STRN: variants seen among roughly 807,000 people sequenced by gnomAD.
The protein encoded by STRN is striatin.
Under a neutral mutation model 96.3 loss-of-function variants are expected in STRN, and 53 were observed. The observed-to-expected ratio is 0.55, with a 90% confidence interval of 0.44 to 0.69. The LOEUF is 0.69. Ranked by LOEUF, STRN falls within the 30% of genes least tolerant of loss-of-function variation. The pLI is 0.00. For synonymous variants in STRN, 428 were observed against 355.9 expected (o/e 1.20, Z -2.28); for missense variants, 987 against 963.9 (o/e 1.02, Z -0.32).
chr2:36,858,324 T>C (rs1489378936), intron 13 of STRN, among the ~76,000 whole-genome samples: 1 of 152,180 alleles, frequency 6.6e-6, no homozygotes, highest in Non-Finnish European at 1.5e-5. Context: ...TTAAAGCACG[T>C]TGATACGAAA....
Position 36,842,478 on chromosome 2 carries a change from T to C in STRN, c.*6978A>G, listed in dbSNP as rs545631535. 1 of 152,304 alleles carries C rather than the reference T, an allele frequency of 6.6e-6. No individual in the cohort carries two copies. The highest frequency in any genetic ancestry group is 1.9e-4 in the East Asian group (1 of 5,188). The allele number at this position is 152,304 out of a possible 1,614,324, so 9.4% of individuals were successfully genotyped here. A position where few individuals can be genotyped will look rare whatever the true frequency, so the allele number is the denominator to read the frequency against. On this transcript the variant is annotated 3_prime_UTR_variant, in exon 18 of 18. Transcript: ENST00000263918. ...TAAAGAGGGACACAGAAAAAGTCAA[T>C]GTGGAGCTGGCATCTGGACCACTCT...
At chr2:36,902,878 T>G in intron 4 of STRN, 127 bp from the exon 5 acceptor site, 1 of 634,606 alleles carries the variant, frequency 1.6e-6, no homozygotes, top group Admixed American at 3.4e-5. Context: ...ACTATGCTAG[T>G]AAGACTTGTT....
At chr2:36,962,602 C>A (rs904668335) in intron 1 of STRN, among the ~76,000 whole-genome samples, 2 of 151,904 alleles carry the variant, frequency 1.3e-5, no homozygotes, top group Non-Finnish European at 2.9e-5. Context: ...TCTCAGCTCA[C>A]TGCAACCTCC....
At chr2:36,858,376 A>G (rs1007801003) in intron 13 of STRN, among the ~76,000 whole-genome samples, 1 of 151,876 alleles carries the variant, frequency 6.6e-6, no homozygotes, top group African/African-American at 2.4e-5. Context: ...CACAACTCAC[A>G]CTCCCTGAGG....
At position 36,966,441 on chromosome 2, in the gene STRN, C is replaced by T; in HGVS notation, c.23G>A (p.Gly8Asp). 6.8e-7 allele frequency: 1 copy of T among 1,463,276 alleles called. No individual in the cohort carries two copies. Among genetic ancestry groups the T allele is most frequent in the Non-Finnish European group, 9.0e-7 (1 of 1,108,890 alleles). 90.6% of individuals were successfully genotyped at this position (1,463,276 alleles called of 1,614,324 possible). A position where few individuals can be genotyped will look rare whatever the true frequency, so the allele number is the denominator to read the frequency against. Reference protein sequence around the residue: MDEQAGPGVFFSNNHPGA... With the variant: MDEQAGPDVFFSNNHPGA... Reference sequence around the variant, plus strand: ...CGGGTGGTTGTTGCTGAAGAAGACGCCGGGACCCGCCTGCTCGTCCATGGC... The same window carrying T: ...CGGGTGGTTGTTGCTGAAGAAGACGTCGGGACCCGCCTGCTCGTCCATGGC... The change falls in exon 1 of 18, where the codon GGC (glycine) becomes GAC (aspartate). Residue 8 changes from glycine to aspartate, a missense_variant. Gly to Asp is a moderately conservative substitution (Grantham distance 94). Coordinates refer to ENST00000263918, the MANE Select transcript of STRN (RefSeq NM_003162.4).
intron 3 of STRN, among the ~76,000 whole-genome samples, chr2:36,912,014 A>G (rs73924930): frequency 0.06 from 9,144 of 152,154 alleles, 913 homozygotes; most frequent in African/African-American, 0.21. Context: ...ACTTGTGGAC[A>G]TTTCCTCAAA....
At chr2:36,919,528 T>C (rs551777630) in intron 2 of STRN, among the ~76,000 whole-genome samples, 2 of 151,452 alleles carry the variant, frequency 1.3e-5, no homozygotes, top group African/African-American at 4.9e-5. Context: ...GACAGAATAA[T>C]TACACCCAAA....
At chr2:36,857,135 C>T (rs1033017157) in intron 14 of STRN, among the ~76,000 whole-genome samples, 1 of 150,656 alleles carries the variant, frequency 6.6e-6, no homozygotes, top group Non-Finnish European at 1.5e-5. Context: ...GCTATGTTGC[C>T]CAGCTGGTCC....
Position 36,944,965 on chromosome 2 carries a change from C to A in STRN, c.235-19757G>T, listed in dbSNP as rs555229676. 2.0e-5 allele frequency among the ~76,000 whole-genome samples: 3 copies of A among 152,258 alleles called. No individual in the cohort carries two copies. In the South Asian group the frequency reaches 6.2e-4, roughly 32 times the overall value. On this transcript the variant is annotated intron_variant, in intron 1 of 17. Transcript: ENST00000263918. ...CTGCAAATGGGAACGTAGACCAGAG[C>A]AGTCATTCTGGAAAGCAATGTGCAG...
intron 1 of STRN, among the ~76,000 whole-genome samples, chr2:36,952,232 T>A (rs1039183970): frequency 3.3e-5 from 5 of 152,206 alleles, no homozygotes; most frequent in African/African-American, 1.2e-4. Context: ...TAACATCTTT[T>A]CGGATTAACT....
At position 36,847,416 on chromosome 2, in the gene STRN, T is replaced by C. The variant is rs906931827; in HGVS notation, c.*2040A>G. The C allele has an allele frequency of 2.6e-5, 4 of 152,152 alleles. No individual in the cohort carries two copies. The highest frequency in any genetic ancestry group is 1.3e-4 in the Admixed American group (2 of 15,260). 9.4% of individuals were successfully genotyped at this position (152,152 alleles called of 1,614,324 possible). A position where few individuals can be genotyped will look rare whatever the true frequency, so the allele number is the denominator to read the frequency against. On this transcript the variant is annotated 3_prime_UTR_variant, in exon 18 of 18. Coordinates refer to ENST00000263918, the MANE Select transcript of STRN (RefSeq NM_003162.4). The stretch of plus-strand genomic sequence containing the variant: ...TTCCTTCCTGGAAGGAATTTTCCAG[T>C]ATCCTTCTACAAATGTTAGGTTAGA...
chr2:36,869,809 T>G, intron 10 of STRN, 80 bp from the exon 11 acceptor site: 3 of 1,165,604 alleles, frequency 2.6e-6, no homozygotes, highest in Non-Finnish European at 3.4e-6. Context: ...CATTAATTCT[T>G]GCTGATGTGT....
intron 4 of STRN, among the ~76,000 whole-genome samples, chr2:36,904,635 T>C (rs760899359): frequency 3.9e-5 from 6 of 152,332 alleles, no homozygotes; most frequent in South Asian, 2.1e-4. Context: ...GAGATCAGCC[T>C]GGCCAACATG....
At chr2:36,900,883 ACT>A (rs1189992117) in intron 5 of STRN, among the ~76,000 whole-genome samples, 1 of 151,790 alleles carries the variant, frequency 6.6e-6, no homozygotes, top group Non-Finnish European at 1.5e-5. Flanking sequence ...ACAGAGTGAG[ACT>A]CTGTCTCTAA....
chr2:36,907,831 AGTTT>A (rs1669863339), intron 3 of STRN, among the ~76,000 whole-genome samples: 1 of 152,158 alleles, frequency 6.6e-6, no homozygotes. Flanking sequence ...AAATCTTCCA[AGTTT>A]GTTTTTCTTC....
chr2:36,956,450 T>C (rs751079614), intron 1 of STRN, among the ~76,000 whole-genome samples: 1 of 152,196 alleles, frequency 6.6e-6, no homozygotes, highest in Non-Finnish European at 1.5e-5. Flanking sequence ...GGTCAACAGA[T>C]TGTTTTGTCA....
intron 1 of STRN, among the ~76,000 whole-genome samples, chr2:36,965,104 CTCCTCT>C (rs369515498): frequency 1.6e-4 from 24 of 150,944 alleles, no homozygotes; most frequent in African/African-American, 5.4e-4. Flanking sequence ...TAACAGATTT[CTCCTCT>C]TCTTTTTTTT....
intron 1 of STRN, among the ~76,000 whole-genome samples, chr2:36,959,366 T>C (rs1664973993): frequency 6.6e-6 from 1 of 152,204 alleles, no homozygotes; most frequent in South Asian, 2.1e-4. Flanking sequence ...TAAAGAGTGC[T>C]GGCTGTAGCA....
intron 1 of STRN, among the ~76,000 whole-genome samples, chr2:36,947,995 A>C (rs1232214764): frequency 6.6e-6 from 1 of 151,608 alleles, no homozygotes; most frequent in Non-Finnish European, 1.5e-5. Context: ...TTAATTATTA[A>C]ATCAAAAACA....
Sources: allele counts gnomAD v4.1 joint callset (sites outside exome capture counted in the v4.1 genomes callset), GRCh38; gene constraint gnomAD v4.1.1; transcripts MANE v1.5; gene names NCBI Gene and HGNC (gene_info 2026-07-23, HGNC 2026-07-21).